PRIM2: variants seen among roughly 807,000 people sequenced by gnomAD.
The protein encoded by PRIM2 is DNA primase subunit 2.
Under a neutral mutation model 67.3 loss-of-function variants are expected in PRIM2, and 39 were observed. The ratio of observed to expected loss-of-function variants is 0.58; its 90% CI spans 0.45 to 0.76. PRIM2 has a LOEUF of 0.76. PRIM2 is among the 30% of genes least tolerant of loss of function. The pLI is 0.00. For missense variants in PRIM2, 398 were observed against 598.7 expected (o/e 0.66, Z 3.50); for synonymous variants, 143 against 198.7 (o/e 0.72, Z 2.36).
At chr6:57,583,898 T>A (rs1297821559) in intron 10 of PRIM2, among the ~76,000 whole-genome samples, 9 of 152,296 alleles carry the variant, frequency 5.9e-5, no homozygotes, top group African/African-American at 2.2e-4. Flanking sequence ...CTGGAAACCT[T>A]AGTTTCCTCA....
At chr6:57,554,527 G>A (rs1274139846) in intron 10 of PRIM2, among the ~76,000 whole-genome samples, 2 of 151,938 alleles carry the variant, frequency 1.3e-5, no homozygotes, top group Non-Finnish European at 2.9e-5. Context: ...GCCCAGCCCT[G>A]TGTTAATCCT....
At chr6:57,637,317 G>T (rs1231278785) in intron 13 of PRIM2, among the ~76,000 whole-genome samples, 1 of 152,230 alleles carries the variant, frequency 6.6e-6, no homozygotes, top group South Asian at 2.1e-4. Context: ...GCGCAAAAAG[G>T]CTGAAAATTC....
chr6:57,582,773 A>G (rs1436657475), intron 10 of PRIM2, among the ~76,000 whole-genome samples: 2 of 115,654 alleles, frequency 1.7e-5, no homozygotes, highest in Non-Finnish European at 3.4e-5. Context: ...ATTTTATAAT[A>G]TTTTCTTTAT....
the PRIM2 span, among the ~76,000 whole-genome samples, chr6:57,243,502 T>C: frequency 6.6e-6 from 1 of 152,342 alleles, no homozygotes; most frequent in Non-Finnish European, 1.5e-5. Flanking sequence ...GGAGCCTCGG[T>C]ATGTTGCCCA....
chr6:57,414,517 C>A (rs1396165628), intron 7 of PRIM2, among the ~76,000 whole-genome samples: 105 of 152,088 alleles, frequency 6.9e-4, no homozygotes, highest in Non-Finnish European at 1.2e-3. Flanking sequence ...ATGGTGACAA[C>A]TTGTTAATAT....
chr6:57,635,968 G>A (rs1241315768), intron 13 of PRIM2, among the ~76,000 whole-genome samples: 3 of 152,042 alleles, frequency 2.0e-5, no homozygotes, highest in Non-Finnish European at 2.9e-5. Flanking sequence ...AATTTATAAT[G>A]TATCCTCTAA....
intron 5 of PRIM2, among the ~76,000 whole-genome samples, chr6:57,348,873 A>G (rs1379805673): frequency 7.3e-5 from 11 of 151,272 alleles, no homozygotes; most frequent in Admixed American, 3.3e-4. Flanking sequence ...CAGTCTCCCA[A>G]GTAGCTGGGA....
intron 7 of PRIM2, among the ~76,000 whole-genome samples, chr6:57,467,672 C>T (rs1167616342): frequency 2.3e-4 from 35 of 152,100 alleles, no homozygotes; most frequent in Non-Finnish European, 4.3e-4. Flanking sequence ...AGAACGTAAA[C>T]GGTAGCTTGA....
chr6:57,235,450 G>C, the PRIM2 span, among the ~76,000 whole-genome samples: 1 of 142,908 alleles, frequency 7.0e-6, no homozygotes, highest in South Asian at 2.5e-4. Context: ...GGCAACAAGA[G>C]CAAAACTCCA....
chr6:57,262,142 C>G, the PRIM2 span, among the ~76,000 whole-genome samples: 1 of 152,276 alleles, frequency 6.6e-6, no homozygotes, highest in African/African-American at 2.4e-5. Flanking sequence ...TACTGGCAGA[C>G]AGACATGGTT....
chr6:57,344,919 T>C (rs1249693464), intron 5 of PRIM2, among the ~76,000 whole-genome samples: 1 of 152,150 alleles, frequency 6.6e-6, no homozygotes, highest in Non-Finnish European at 1.5e-5. Flanking sequence ...TGAATTACCC[T>C]TAAAGGCTAA....
intron 10 of PRIM2, among the ~76,000 whole-genome samples, chr6:57,558,425 A>G (rs1438458665): frequency 1.1e-4 from 16 of 152,180 alleles, no homozygotes; most frequent in African/African-American, 3.4e-4. Flanking sequence ...ATTGGGATGC[A>G]TGAATATTTT....
At chr6:57,616,814 G>A (rs1185460044) in intron 12 of PRIM2, among the ~76,000 whole-genome samples, 5 of 151,932 alleles carry the variant, frequency 3.3e-5, no homozygotes, top group East Asian at 1.9e-4. Flanking sequence ...ACCTCCTGCC[G>A]CCCCTAGAAA....
rs548860062 is a variant in PRIM2, at chr6:57,418,507, C to A, written c.693+36339C>A. ...TGCCTCCCGGGTTCAAGCGATTCTC[C>A]TGCCTCAGCCTTCCGAGTAGCTGGG... On this transcript the variant is annotated intron_variant, in intron 7 of 13. Coordinates refer to ENST00000615550, the MANE Select transcript of PRIM2 (RefSeq NM_000947.5). 6.2e-3 allele frequency among the ~76,000 whole-genome samples: 913 copies of A among 148,322 alleles called. 7 individuals are homozygous for A. The highest frequency in any genetic ancestry group is 0.021 in the African/African-American group (858 of 40,446).
chr6:57,638,300 C>T (rs1186716220), intron 13 of PRIM2, among the ~76,000 whole-genome samples: 3 of 152,092 alleles, frequency 2.0e-5, no homozygotes, highest in Non-Finnish European at 2.9e-5. Context: ...AAAAACATAT[C>T]AAATTCTAAA....
chr6:57,495,574 G>C (rs1178648437), intron 7 of PRIM2, among the ~76,000 whole-genome samples: 7 of 152,232 alleles, frequency 4.6e-5, no homozygotes, highest in African/African-American at 7.2e-5. Flanking sequence ...TTGAGGTTCA[G>C]CTGTTGGGGA....
At chr6:57,498,028 G>T (rs1774045672) in intron 7 of PRIM2, among the ~76,000 whole-genome samples, 1 of 152,122 alleles carries the variant, frequency 6.6e-6, no homozygotes, top group South Asian at 2.1e-4. Context: ...AATCAATGAA[G>T]TTAAAAGAGC....
chr6:57,232,836 G>A, the PRIM2 span, among the ~76,000 whole-genome samples: 1 of 152,116 alleles, frequency 6.6e-6, no homozygotes, highest in Non-Finnish European at 1.5e-5. Flanking sequence ...GAAAGTTGTT[G>A]GGTGAGCACA....
intron 5 of PRIM2, among the ~76,000 whole-genome samples, chr6:57,341,930 T>C (rs1768506654): frequency 6.6e-6 from 1 of 152,240 alleles, no homozygotes; most frequent in African/African-American, 2.4e-5. Flanking sequence ...GCTTGTGTGC[T>C]GTGTTTGTGT....
Sources: gnomAD v4.1 joint callset for allele counts (sites outside exome capture counted in the v4.1 genomes callset) on GRCh38, gnomAD v4.1.1 for gene constraint, MANE v1.5 for transcripts, NCBI Gene and HGNC (gene_info 2026-07-23, HGNC 2026-07-21) for gene names.